OR10J1: variants seen among roughly 807,000 people sequenced by gnomAD.
OR10J1 encodes the protein olfactory receptor 10J1.
For missense variants in OR10J1, 474 were observed against 376.6 expected (o/e 1.26, Z -2.14); for synonymous variants, 202 against 143.8 (o/e 1.40, Z -2.89).
the OR10J1 span, among the ~76,000 whole-genome samples, chr1:159,400,862 T>C: frequency 6.6e-6 from 1 of 151,938 alleles, no homozygotes; most frequent in Non-Finnish European, 1.5e-5. Context: ...ATAGACTATA[T>C]ATTAGGTGAC....
chr1:159,440,108 C>T lies in OR10J1; in HGVS notation c.317C>T (p.Thr106Ile), dbSNP rs940865865. 6 of 1,613,936 alleles carry T rather than the reference C, an allele frequency of 3.7e-6. No individual in the cohort carries two copies. Among genetic ancestry groups the T allele is most frequent in the Non-Finnish European group, 5.1e-6 (6 of 1,180,016 alleles). ...GCCACACAGATGTTCTTTTTTGTAA[C>T]CTTTGGCATCACTAACTGCTTCCTG... ...GCATQMFFFV[T>I]FGITNCFLLT... is the part of the protein sequence containing the mutation. The change falls in exon 1 of 1, where the codon ACC (threonine) becomes ATC (isoleucine). Residue 106 changes from threonine to isoleucine, a missense_variant. Thr to Ile is a moderately conservative substitution (Grantham distance 89). Coordinates refer to ENST00000423932, the MANE Select transcript of OR10J1 (RefSeq NM_012351.3).
At chr1:159,414,273 G>A in the OR10J1 span, among the ~76,000 whole-genome samples, 157 of 152,064 alleles carry the variant, frequency 1.0e-3, no homozygotes, top group South Asian at 7.3e-3. Context: ...CTAGGCTTTC[G>A]TGTCTACCGT....
chr1:159,405,615 GC>G, the OR10J1 span: 1 of 405,822 alleles, frequency 2.5e-6, no homozygotes. Context: ...TGGAAATATA[GC>G]CATAGTGGCT....
chr1:159,406,032 C>T, the OR10J1 span: 1 of 426,734 alleles, frequency 2.3e-6, no homozygotes, highest in South Asian at 2.1e-5. Flanking sequence ...GAGAAGAAAG[C>T]AGTTGTTGAT....
At chr1:159,422,858 C>G in the OR10J1 span, among the ~76,000 whole-genome samples, 220 of 152,300 alleles carry the variant, frequency 1.4e-3, no homozygotes, top group African/African-American at 5.2e-3. Flanking sequence ...TCTTTCCCCA[C>G]ATTAGGGAAC....
chr1:159,410,480 T>G, the OR10J1 span, among the ~76,000 whole-genome samples: 2 of 152,168 alleles, frequency 1.3e-5, no homozygotes, highest in African/African-American at 2.4e-5. Context: ...TCCAGTTTAT[T>G]TTCGTAGAGG....
At chr1:159,432,455 C>T in the OR10J1 span, 26 of 409,824 alleles carry the variant, frequency 6.3e-5, no homozygotes, top group Admixed American at 2.1e-4. Context: ...AAATGCTGTC[C>T]GGTCTCCTCA....
In OR10J1 at chr1:159,440,252, T is replaced by C. The variant is rs1036204720; in HGVS notation, c.461T>C (p.Ile154Thr). Residue 154 changes from isoleucine (I) to threonine (T), a missense_variant, in exon 1 of 1, where the codon ATT (isoleucine) becomes ACT (threonine). By Grantham distance (89) the Ile-to-Thr change is moderately conservative. Transcript: ENST00000423932. Reference protein sequence around the residue: ...LVLGACSIGLIVAITQVTSVF... With the variant: ...LVLGACSIGLTVAITQVTSVF... ...CTGGGGGCCTGCAGCATTGGGCTGA[T>C]TGTAGCAATAACGCAAGTGACATCT... 3.1e-6 allele frequency: 5 copies of C among 1,614,150 alleles called. No individual in the cohort carries two copies. The highest frequency in any genetic ancestry group is 2.2e-5 in the South Asian group (2 of 91,078).
upstream of OR10J1, among the ~76,000 whole-genome samples, chr1:159,436,850 T>A (rs539587273): frequency 2.0e-5 from 3 of 152,186 alleles, no homozygotes; most frequent in African/African-American, 7.2e-5. Context: ...TCAACCTGAG[T>A]CTAATCAAGG....
the OR10J1 span, among the ~76,000 whole-genome samples, chr1:159,417,494 G>A: frequency 1.3e-5 from 2 of 152,124 alleles, no homozygotes; most frequent in African/African-American, 4.8e-5. Context: ...GAGATCTGAT[G>A]TTTTTAAAAG....
At chr1:159,429,356 C>G in the OR10J1 span, among the ~76,000 whole-genome samples, 808 of 152,284 alleles carry the variant, frequency 5.3e-3, 4 homozygotes, top group Non-Finnish European at 8.0e-3. Context: ...CTGAAGAGAC[C>G]TCAGAGGTAG....
chr1:159,399,174 A>G, the OR10J1 span, among the ~76,000 whole-genome samples: 6 of 152,190 alleles, frequency 3.9e-5, no homozygotes, highest in African/African-American at 1.2e-4. Flanking sequence ...TGTTAAGTCT[A>G]GAATAGTATA....
the OR10J1 span, among the ~76,000 whole-genome samples, chr1:159,431,871 T>A: frequency 1.3e-5 from 2 of 152,306 alleles, 1 homozygote; most frequent in South Asian, 4.2e-4. Context: ...GTCAGGTGTA[T>A]TAAATGCATT....
chr1:159,432,965 C>T (rs750178677), upstream of OR10J1: 29 of 432,058 alleles, frequency 6.7e-5, no homozygotes, highest in Middle Eastern at 6.9e-4. Flanking sequence ...CCACTATGGC[C>T]GTACTTCTTT....
chr1:159,426,952 T>C, the OR10J1 span, among the ~76,000 whole-genome samples: 2 of 152,010 alleles, frequency 1.3e-5, no homozygotes, highest in South Asian at 2.1e-4. Flanking sequence ...TTGAGATAGG[T>C]AGTATTATTC....
At chr1:159,431,748 T>C in the OR10J1 span, among the ~76,000 whole-genome samples, 4 of 152,220 alleles carry the variant, frequency 2.6e-5, no homozygotes, top group African/African-American at 4.8e-5. Flanking sequence ...TTACCTATGA[T>C]ATTCAACACT....
the OR10J1 span, among the ~76,000 whole-genome samples, chr1:159,399,821 T>C: frequency 6.6e-6 from 1 of 151,940 alleles, no homozygotes; most frequent in Non-Finnish European, 1.5e-5. Flanking sequence ...TTTCAAGACA[T>C]AATCAGTACA....
At chr1:159,405,659 C>T in the OR10J1 span, 3 of 485,198 alleles carry the variant, frequency 6.2e-6, no homozygotes, top group South Asian at 5.8e-5. Flanking sequence ...GTGCAGGTGG[C>T]ACAGGCCTTC....
At chr1:159,407,880 T>C in the OR10J1 span, among the ~76,000 whole-genome samples, 2 of 151,938 alleles carry the variant, frequency 1.3e-5, no homozygotes, top group African/African-American at 4.8e-5. Flanking sequence ...TGGGAAAGAG[T>C]CCCTGATGTT....
Sources: allele counts gnomAD v4.1 joint callset (sites outside exome capture counted in the v4.1 genomes callset), GRCh38; gene constraint gnomAD v4.1.1; transcripts MANE v1.5; gene names NCBI Gene and HGNC (gene_info 2026-07-23, HGNC 2026-07-21).